Variants in SCAPER observed in about 807,000 individuals in gnomAD.
SCAPER encodes S phase cyclin A-associated protein in the endoplasmic reticulum.
A neutral mutation model predicts 182.2 loss-of-function variants in SCAPER; 98 were observed. The ratio of observed to expected loss-of-function variants is 0.54; its 90% CI spans 0.46 to 0.64. The LOEUF (loss-of-function observed/expected upper bound fraction) is 0.64. Ranked by LOEUF, SCAPER falls within the 30% of genes least tolerant of loss-of-function variation. The probability of loss-of-function intolerance (pLI) is 0.00; values close to 1 mark genes in which losing one functional copy is unlikely to be tolerated. For missense variants in SCAPER, 1,432 were observed against 1,690.0 expected (o/e 0.85, Z 2.68); for synonymous variants, 605 against 564.6 (o/e 1.07, Z -1.01).
chr15:76,581,845 C>T (rs1406309808), intron 22 of SCAPER, among the ~76,000 whole-genome samples: 1 of 152,032 alleles, frequency 6.6e-6, no homozygotes, highest in Non-Finnish European at 1.5e-5. Context: ...CACAGCCTCC[C>T]AACATGCCAG....
rs529480945 is a variant in SCAPER, at chr15:76,580,381, C to T, written c.2712-6097G>A. Reference sequence around the variant, plus strand: ...AATAAGAGGAATTTTGGAAACTATACGAACACATGGAAATTAAACCACATG... The same window carrying T: ...AATAAGAGGAATTTTGGAAACTATATGAACACATGGAAATTAAACCACATG... On this transcript the variant is annotated intron_variant, in intron 22 of 31. Transcript: ENST00000563290. Among the ~76,000 whole-genome samples, 22 of 152,230 alleles carry T rather than the reference C, an allele frequency of 1.4e-4. No homozygotes were observed. The South Asian group carries it at 2.9e-3, about 20-fold the overall frequency.
At chr15:76,459,161 G>T (rs2048964035) in intron 25 of SCAPER, among the ~76,000 whole-genome samples, 1 of 152,134 alleles carries the variant, frequency 6.6e-6, no homozygotes, top group Admixed American at 6.5e-5. Context: ...CAAATTGCTG[G>T]GATTGCAGGA....
At chr15:76,374,535 A>G (rs1596338640) in intron 29 of SCAPER, among the ~76,000 whole-genome samples, 1 of 144,504 alleles carries the variant, frequency 6.9e-6, no homozygotes, top group Admixed American at 6.9e-5. Context: ...CAGGCTGGAG[A>G]GCAATGGCGC....
At chr15:76,884,803 A>T (rs1434403929) in intron 1 of SCAPER, among the ~76,000 whole-genome samples, 1 of 152,246 alleles carries the variant, frequency 6.6e-6, no homozygotes, top group Admixed American at 6.5e-5. Context: ...ATGTATATTC[A>T]CACAATGAAT....
intron 8 of SCAPER, among the ~76,000 whole-genome samples, chr15:76,777,557 G>A (rs1292193877): frequency 2.0e-5 from 3 of 151,928 alleles, no homozygotes; most frequent in African/African-American, 7.3e-5. Context: ...TAGCAGACAT[G>A]GTGGCACATG....
chr15:76,483,670 G>C (rs1271192778), intron 24 of SCAPER, among the ~76,000 whole-genome samples: 1 of 152,086 alleles, frequency 6.6e-6, no homozygotes, highest in Non-Finnish European at 1.5e-5. Context: ...AAAAAATCTA[G>C]TTAAAAAGTG....
chr15:76,698,523 T>TA (rs2058767831), intron 20 of SCAPER, among the ~76,000 whole-genome samples: 1 of 152,116 alleles, frequency 6.6e-6, no homozygotes, highest in Non-Finnish European at 1.5e-5. Flanking sequence ...CTATGATGCC[T>TA]AAAAAAATGC....
chr15:76,821,314 A>C (rs2067520601), intron 5 of SCAPER, among the ~76,000 whole-genome samples: 1 of 152,232 alleles, frequency 6.6e-6, no homozygotes, highest in Non-Finnish European at 1.5e-5. Context: ...ATGATCTATC[A>C]AAGTATTTTA....
intron 26 of SCAPER, among the ~76,000 whole-genome samples, chr15:76,410,414 A>T (rs1596482010): frequency 1.3e-5 from 2 of 152,356 alleles, no homozygotes; most frequent in Admixed American, 1.3e-4. Flanking sequence ...TAATAGAGGT[A>T]TGTTCAAAGT....
chr15:76,683,227 C>T (rs1332843368), intron 20 of SCAPER, among the ~76,000 whole-genome samples: 2 of 151,924 alleles, frequency 1.3e-5, no homozygotes, highest in Non-Finnish European at 2.9e-5. Flanking sequence ...TCTGATAGAG[C>T]TGAAAAACTC....
chr15:76,560,433 A>G (rs1049041900), intron 23 of SCAPER, among the ~76,000 whole-genome samples: 3 of 136,222 alleles, frequency 2.2e-5, no homozygotes, highest in Admixed American at 8.0e-5. Context: ...TGATTGCAAT[A>G]TTTCATTTAA....
chr15:76,624,481 A>G (rs923380111), intron 21 of SCAPER, among the ~76,000 whole-genome samples: 3 of 152,256 alleles, frequency 2.0e-5, no homozygotes, highest in African/African-American at 7.2e-5. Flanking sequence ...TGCCCAAAGT[A>G]ACCTGCAGAT....
intron 26 of SCAPER, among the ~76,000 whole-genome samples, chr15:76,421,974 G>C (rs1329879264): frequency 6.6e-6 from 1 of 152,104 alleles, no homozygotes; most frequent in Non-Finnish European, 1.5e-5. Flanking sequence ...CTGTTCCATT[G>C]GTCTATATCT....
At chr15:76,819,410 G>A (rs2067344850) in intron 5 of SCAPER, among the ~76,000 whole-genome samples, 1 of 152,204 alleles carries the variant, frequency 6.6e-6, no homozygotes. Context: ...CGATCAGGCA[G>A]CAGCATTTGC....
At position 76,768,422 on chromosome 15, in the gene SCAPER, T is replaced by C. The variant is rs543573121; in HGVS notation, c.1249-1334A>G. On this transcript the variant is annotated intron_variant, in intron 10 of 31. Transcript: ENST00000563290. ...AAGACATGAATGAACCTCTAAAATA[T>C]GCTAAGAAGTCAGTCACAAATGACC... Among the ~76,000 whole-genome samples the C allele has an allele frequency of 3.9e-5, 6 of 152,256 alleles. 1 individual carries two copies. The highest frequency in any genetic ancestry group is 1.4e-4 in the African/African-American group (6 of 41,562).
chr15:76,754,675 A>G (rs1422064905), intron 14 of SCAPER, among the ~76,000 whole-genome samples: 1 of 138,998 alleles, frequency 7.2e-6, no homozygotes, highest in East Asian at 2.1e-4. Context: ...ATGGGTCAAT[A>G]TGAGTGGAAA....
intron 27 of SCAPER, among the ~76,000 whole-genome samples, chr15:76,390,957 A>C (rs1425065094): frequency 2.6e-5 from 4 of 152,174 alleles, no homozygotes; most frequent in African/African-American, 9.7e-5. Flanking sequence ...CAGAGTAAAC[A>C]GATGCTTTTT....
chr15:76,542,622 T>C (rs916413345), intron 23 of SCAPER, among the ~76,000 whole-genome samples: 1 of 151,652 alleles, frequency 6.6e-6, no homozygotes, highest in Non-Finnish European at 1.5e-5. Flanking sequence ...TGGGATAAGA[T>C]GATTTTACAA....
intron 4 of SCAPER, among the ~76,000 whole-genome samples, chr15:76,850,744 C>T (rs2070653934): frequency 6.6e-6 from 1 of 151,424 alleles, no homozygotes; most frequent in African/African-American, 2.4e-5. Context: ...CCTGTAATCC[C>T]AGCTACTCAG....
Sources: allele counts gnomAD v4.1 joint callset (sites outside exome capture counted in the v4.1 genomes callset), GRCh38; gene constraint gnomAD v4.1.1; transcripts MANE v1.5; gene names NCBI Gene and HGNC (gene_info 2026-07-23, HGNC 2026-07-21).